Variants in HACE1 observed in about 807,000 individuals in gnomAD.
HACE1 encodes E3 ubiquitin-protein ligase HACE1.
A neutral mutation model predicts 118.4 loss-of-function variants in HACE1; 73 were observed. The observed-to-expected ratio is 0.62, with a 90% CI of 0.51 to 0.75. HACE1 has a LOEUF of 0.75. HACE1 is among the 30% of genes least tolerant of loss of function. HACE1 has a pLI of 0.00. For missense variants in HACE1, 749 were observed against 1,102.2 expected, an observed-to-expected ratio of 0.68 and a Z score of 4.54; for synonymous variants, 368 against 374.8, an observed-to-expected ratio of 0.98 and a Z score of 0.21.
intron 7 of HACE1, among the ~76,000 whole-genome samples, chr6:104,803,569 T>C (rs962502666): frequency 6.6e-6 from 1 of 152,000 alleles, no homozygotes; most frequent in Non-Finnish European, 1.5e-5. Context: ...CATATGCAAA[T>C]CAATAAACGC....
intron 7 of HACE1, among the ~76,000 whole-genome samples, chr6:104,808,014 C>T (rs1053106605): frequency 1.3e-5 from 2 of 152,054 alleles, no homozygotes; most frequent in Non-Finnish European, 2.9e-5. Context: ...TGGCAAAACG[C>T]CATCTCTACT....
intron 22 of HACE1, among the ~76,000 whole-genome samples, chr6:104,737,011 C>G (rs893182964): frequency 6.6e-6 from 1 of 151,838 alleles, no homozygotes; most frequent in African/African-American, 2.4e-5. Context: ...AGGCCAGGCA[C>G]GGTGGCTCAC....
At chr6:104,845,516 C>T (rs1289506802) in intron 4 of HACE1, among the ~76,000 whole-genome samples, 4 of 137,058 alleles carry the variant, frequency 2.9e-5, no homozygotes, top group Admixed American at 2.4e-4. Context: ...CTCACTCTGT[C>T]GCCCAGGCTG....
At chr6:104,819,934 C>T (rs35826320) in intron 6 of HACE1, among the ~76,000 whole-genome samples, 66,231 of 152,110 alleles carry the variant, frequency 0.44, 16,020 homozygotes, top group East Asian at 0.58. Context: ...CAGCAGCTCA[C>T]GCCTGTAATC....
intron 1 of HACE1, chr6:104,858,533 C>T (rs1287976325): frequency 5.4e-6 from 2 of 368,244 alleles, no homozygotes; most frequent in South Asian, 4.1e-5. Context: ...GACCTCATCT[C>T]TATAAAAGAA....
At chr6:104,838,791 A>C (rs1171909034) in intron 5 of HACE1, among the ~76,000 whole-genome samples, 1 of 151,620 alleles carries the variant, frequency 6.6e-6, no homozygotes, top group Non-Finnish European at 1.5e-5. Flanking sequence ...TCAACAAAGT[A>C]AAGAAACAAC....
chr6:104,775,313 G>C (rs1043831441), intron 17 of HACE1, among the ~76,000 whole-genome samples: 2 of 152,084 alleles, frequency 1.3e-5, no homozygotes, highest in Non-Finnish European at 2.9e-5. Flanking sequence ...GAGCCCGGGA[G>C]GTCAAGGCTG....
At chr6:104,847,643 C>T (rs1408887243) in intron 4 of HACE1, among the ~76,000 whole-genome samples, 2 of 151,950 alleles carry the variant, frequency 1.3e-5, no homozygotes, top group Non-Finnish European at 2.9e-5. Context: ...AATTTGGCCT[C>T]GGATTGATGT....
rs762147663 is a variant in HACE1 at position 104,777,070 on chromosome 6, T to C, written c.1719A>G (p.Ala573=). 8.1e-6 allele frequency: 13 copies of C among 1,613,020 alleles called. No homozygotes were observed. Among genetic ancestry groups the C allele is most frequent in the Non-Finnish European group, 1.1e-5 (13 of 1,179,202 alleles). Residue 573 remains alanine (A), a synonymous_variant, in exon 16 of 24, where the codon GCA becomes GCG. Transcript: ENST00000262903. Reference sequence around the variant, plus strand: ...TCCCTTGCTTTAGCTTTGCACAATTTGCTTTTGACACAACTTCACAGCTAC... The same window carrying C: ...TCCCTTGCTTTAGCTTTGCACAATTCGCTTTTGACACAACTTCACAGCTAC... ...FRSSCEVVSK[A]NCAKLKQGIA...
chr6:104,741,860 T>C (rs9391233), intron 22 of HACE1, among the ~76,000 whole-genome samples: 144,504 of 147,698 alleles, frequency 0.98, 70,725 homozygotes, highest in East Asian at 1. Context: ...CAAGTCAATC[T>C]TAAGCCAAAA....
At chr6:104,755,735 G>C (rs964307642) in intron 19 of HACE1, among the ~76,000 whole-genome samples, 3 of 152,106 alleles carry the variant, frequency 2.0e-5, no homozygotes, top group Admixed American at 2.0e-4. Flanking sequence ...AAACTAATGA[G>C]AACAAAGAGA....
intron 11 of HACE1, 115 bp downstream of exon 11, chr6:104,791,388 TG>T: frequency 1.1e-6 from 1 of 874,548 alleles, no homozygotes; most frequent in Non-Finnish European, 1.9e-6. Context: ...GAAAGTGATA[TG>T]GGTATAAACC....
intron 10 of HACE1, among the ~76,000 whole-genome samples, chr6:104,793,752 CA>C (rs1194592783): frequency 1.3e-5 from 2 of 152,228 alleles, no homozygotes; most frequent in Admixed American, 1.3e-4. Context: ...CATAAATCAG[CA>C]GGGGGAAACA....
intron 7 of HACE1, among the ~76,000 whole-genome samples, chr6:104,801,409 T>C (rs537228769): frequency 6.6e-6 from 1 of 152,132 alleles, no homozygotes; most frequent in Non-Finnish European, 1.5e-5. Flanking sequence ...CCAAGACACA[T>C]AACTGTCAGA....
intron 5 of HACE1, among the ~76,000 whole-genome samples, chr6:104,836,290 TATTAA>T: frequency 6.6e-6 from 1 of 152,206 alleles, no homozygotes; most frequent in African/African-American, 2.4e-5. Context: ...ACTGAATACA[TATTAA>T]GAGGATATTT....
chr6:104,811,273 T>TATATATATATATATTA, intron 7 of HACE1, 38 bp downstream of exon 7: 1 of 585,444 alleles, frequency 1.7e-6, no homozygotes, highest in Non-Finnish European at 3.2e-6. Flanking sequence ...TATATATATA[T>TATATATATATATATTA]GAGCATATAT....
At chr6:104,840,824 G>A (rs552671525) in intron 5 of HACE1, among the ~76,000 whole-genome samples, 22 of 152,290 alleles carry the variant, frequency 1.4e-4, no homozygotes, top group African/African-American at 4.6e-4. Context: ...TTAGCTGGGC[G>A]TGGTGGCACA....
intron 7 of HACE1, among the ~76,000 whole-genome samples, chr6:104,808,100 C>A (rs1294710335): frequency 6.6e-6 from 1 of 151,856 alleles, no homozygotes; most frequent in Non-Finnish European, 1.5e-5. Context: ...GCAGGAGAAT[C>A]GCTTGAAGCC....
chr6:104,760,322 C>A lies in HACE1; in HGVS notation c.2212-9850G>T, dbSNP rs532351262. Reference sequence around the variant, plus strand: ...CAATAAAATACCGGCAAACCAAATCCAGCAGCACATAAAAAGCTTATCCAC... The same window carrying A: ...CAATAAAATACCGGCAAACCAAATCAAGCAGCACATAAAAAGCTTATCCAC... On this transcript the variant is annotated intron_variant, in intron 19 of 23. Transcript: ENST00000262903. Among the ~76,000 whole-genome samples, 5 of 152,256 alleles carry A rather than the reference C, an allele frequency of 3.3e-5. No individual in the cohort carries two copies. In the South Asian group the frequency reaches 1.0e-3, roughly 32 times the overall value.
Sources: allele counts gnomAD v4.1 joint callset (sites outside exome capture counted in the v4.1 genomes callset), GRCh38; gene constraint gnomAD v4.1.1; transcripts MANE v1.5; gene names NCBI Gene and HGNC (gene_info 2026-07-23, HGNC 2026-07-21).